NINL: variants seen among roughly 807,000 people sequenced by gnomAD.
The protein encoded by NINL is ninein like, also known as ninein-like protein.
In NINL, 153 loss-of-function variants were observed where a neutral mutation model predicts 160.3. The ratio of observed to expected loss-of-function variants is 0.95; its 90% CI spans 0.84 to 1.09. The LOEUF is 1.09. Ranked by LOEUF, NINL falls within the 50% of genes least tolerant of loss-of-function variation. NINL has a pLI of 0.00. For synonymous variants in NINL, 800 were observed against 734.8 expected (o/e 1.09, Z -1.43); for missense variants, 1,829 against 1,764.0 (o/e 1.04, Z -0.66).
chr20:25,516,370 A>G (rs372456027), intron 3 of NINL, among the ~76,000 whole-genome samples: 1 of 152,372 alleles, frequency 6.6e-6, no homozygotes, highest in African/African-American at 2.4e-5. Flanking sequence ...TAATTGGAAA[A>G]GAAAGAAAAA....
chr20:25,576,196 GTC>G (rs2065113008), intron 1 of NINL, among the ~76,000 whole-genome samples: 1 of 152,156 alleles, frequency 6.6e-6, no homozygotes, highest in African/African-American at 2.4e-5. Flanking sequence ...CATTTTCTCA[GTC>G]TCTGTTTCTG....
chr20:25,506,453 G>A lies in NINL; in HGVS notation c.518-1375C>T, dbSNP rs145938280. ...CTTCTTCTCTACCCGCTTTTCTTAC[G>A]GCTGAAGTGTTTAGAAGTACAGATG... On this transcript the variant is annotated intron_variant, in intron 5 of 23. Coordinates refer to ENST00000278886, the MANE Select transcript of NINL (RefSeq NM_025176.6). Among the ~76,000 whole-genome samples, 21 of 152,270 alleles carry A rather than the reference G, an allele frequency of 1.4e-4. No individual in the cohort carries two copies. The East Asian group carries it at 3.7e-3, about 27-fold the overall frequency.
chr20:25,564,475 G>T (rs775033087), intron 1 of NINL, among the ~76,000 whole-genome samples: 1 of 152,046 alleles, frequency 6.6e-6, no homozygotes. Flanking sequence ...ATGCCACCAG[G>T]CCCAACTAAT....
At chr20:25,456,812 G>C (rs954469491) in intron 22 of NINL, among the ~76,000 whole-genome samples, 2 of 151,822 alleles carry the variant, frequency 1.3e-5, no homozygotes, top group Admixed American at 1.3e-4. Flanking sequence ...GGCACCTGTA[G>C]TCCCAGCTAC....
At chr20:25,517,141 C>T (rs1281238934) in intron 3 of NINL, among the ~76,000 whole-genome samples, 1 of 152,146 alleles carries the variant, frequency 6.6e-6, no homozygotes, top group African/African-American at 2.4e-5. Context: ...AACCCTGTGA[C>T]AGCCTTGTCT....
chr20:25,521,172 A>G (rs2179458), intron 2 of NINL, among the ~76,000 whole-genome samples: 15,162 of 152,130 alleles, frequency 0.1, 1,283 homozygotes, highest in African/African-American at 0.23. Context: ...TGCATTCTGG[A>G]TGACTCCAGT....
chr20:25,575,901 C>T (rs2065109919), intron 1 of NINL, among the ~76,000 whole-genome samples: 1 of 152,220 alleles, frequency 6.6e-6, no homozygotes, highest in Non-Finnish European at 1.5e-5. Context: ...CTCCCTCCCT[C>T]CATATCATCT....
At chr20:25,487,179 A>C (rs188455681) in intron 13 of NINL, among the ~76,000 whole-genome samples, 302 of 152,360 alleles carry the variant, frequency 2.0e-3, no homozygotes, top group Admixed American at 3.7e-3. Context: ...ATATAGCTAT[A>C]AACTATGGTT....
intron 11 of NINL, among the ~76,000 whole-genome samples, chr20:25,490,330 G>A (rs565181717): frequency 2.0e-4 from 30 of 152,332 alleles, no homozygotes; most frequent in African/African-American, 7.2e-4. Context: ...GGAGGCCGAG[G>A]CGGGCGGATC....
intron 1 of NINL, among the ~76,000 whole-genome samples, chr20:25,569,739 G>GGT (rs1335896235): frequency 6.6e-5 from 10 of 152,152 alleles, no homozygotes; most frequent in Non-Finnish European, 7.4e-5. Flanking sequence ...CGGAGGCGGA[G>GGT]GAAGCAGCCA....
At chr20:25,543,177 C>A (rs1250101873) in intron 1 of NINL, among the ~76,000 whole-genome samples, 25 of 152,120 alleles carry the variant, frequency 1.6e-4, no homozygotes, top group Admixed American at 1.6e-3. Flanking sequence ...ACACACACAC[C>A]CCCCTCCCAA....
chr20:25,491,535 G>A lies in NINL; in HGVS notation c.1311-10C>T. The A allele has an allele frequency of 6.2e-7, 1 of 1,612,210 alleles. No homozygotes were observed. The highest frequency in any genetic ancestry group is 8.5e-7 in the Non-Finnish European group (1 of 1,178,764). ...CCCCTGCTCCAGATGCCTGTAACAT[G>A]TCACACATCACACGTCAGACATGTC... On this transcript the variant is annotated splice_polypyrimidine_tract_variant and intron_variant, in intron 10 of 23. Transcript: ENST00000278886.
intron 8 of NINL, chr20:25,498,917 C>T (rs1034659742): frequency 2.5e-5 from 25 of 985,334 alleles, no homozygotes; most frequent in South Asian, 9.4e-5. Flanking sequence ...CGGCATTTTA[C>T]TGAAACAACA....
chr20:25,558,982 G>C (rs2064900969), intron 1 of NINL, among the ~76,000 whole-genome samples: 1 of 152,188 alleles, frequency 6.6e-6, no homozygotes, highest in South Asian at 2.1e-4. Context: ...TTGCTTCCAA[G>C]ATCTTATGAT....
intron 1 of NINL, among the ~76,000 whole-genome samples, chr20:25,541,583 A>G (rs938116229): frequency 2.0e-5 from 3 of 152,248 alleles, no homozygotes; most frequent in African/African-American, 7.2e-5. Flanking sequence ...ATGTGTATCT[A>G]TATAATTACA....
intron 5 of NINL, among the ~76,000 whole-genome samples, chr20:25,510,364 C>T (rs1017419988): frequency 1.3e-5 from 2 of 152,232 alleles, no homozygotes; most frequent in Non-Finnish European, 2.9e-5. Flanking sequence ...CACAGGGCCA[C>T]ACCTGCCAGC....
intron 22 of NINL, among the ~76,000 whole-genome samples, chr20:25,455,991 G>A (rs2090665321): frequency 6.6e-6 from 1 of 152,108 alleles, no homozygotes; most frequent in Non-Finnish European, 1.5e-5. Flanking sequence ...AGCTACTTGG[G>A]AGGCTGAGGC....
rs148161948 is a variant in NINL at position 25,559,561 on chromosome 20, G to A, written c.-12+25894C>T. Among the ~76,000 whole-genome samples the A allele has an allele frequency of 2.2e-3, 333 of 151,754 alleles. 1 individual carries two copies. Among genetic ancestry groups the A allele is most frequent in the African/African-American group, 7.4e-3 (308 of 41,382 alleles). ...GCTGGGAGGGCCTTTTTCATTTTCCGTCTGCTTGGTCGTCACCAATCCATT... is the reference window on the plus strand; with the variant it reads ...GCTGGGAGGGCCTTTTTCATTTTCCATCTGCTTGGTCGTCACCAATCCATT... On this transcript the variant is annotated intron_variant, in intron 1 of 23. Transcript: ENST00000278886.
Position 25,494,323 on chromosome 20 carries a change from A to C in NINL, c.1310+2340T>G, listed in dbSNP as rs565687351. Among the ~76,000 whole-genome samples, 8 of 151,720 alleles carry C rather than the reference A, an allele frequency of 5.3e-5. No homozygotes were observed. In the South Asian group the frequency reaches 1.3e-3, roughly 24 times the overall value. Reference sequence around the variant, plus strand: ...CACCCTACAGGCCCCAAGCATGCTCAAAGCACTGACATGGCACCACATGAG... The same window carrying C: ...CACCCTACAGGCCCCAAGCATGCTCCAAGCACTGACATGGCACCACATGAG... On this transcript the variant is annotated intron_variant, in intron 10 of 23. Transcript: ENST00000278886.
Sources: gnomAD v4.1 joint callset for allele counts (sites outside exome capture counted in the v4.1 genomes callset) on GRCh38, gnomAD v4.1.1 for gene constraint, MANE v1.5 for transcripts, NCBI Gene and HGNC (gene_info 2026-07-23, HGNC 2026-07-21) for gene names.